The following CADM2 variants were observed in gnomAD, a reference collection of about 807,000 sequenced individuals.
The protein encoded by CADM2 is immunoglobulin superfamily member 4D.
In CADM2, 12 loss-of-function variants were observed where a neutral mutation model predicts 49.8. The observed-to-expected ratio is 0.24, with a 90% CI of 0.15 to 0.39. CADM2 has a LOEUF of 0.39. Among genes scored for constraint, CADM2 ranks in the 10% least tolerant of loss-of-function variants. The pLI is 1.00. For missense variants in CADM2, 378 were observed against 492.3 expected, an observed-to-expected ratio of 0.77 and a Z score of 2.20; for synonymous variants, 214 against 175.4, an observed-to-expected ratio of 1.22 and a Z score of -1.74.
chr3:85,411,405 C>A (rs963516893), intron 1 of CADM2, among the ~76,000 whole-genome samples: 2 of 152,054 alleles, frequency 1.3e-5, no homozygotes, highest in African/African-American at 4.8e-5. Flanking sequence ...GTGCTAGTAC[C>A]ATTTTAAATG....
intron 1 of CADM2, among the ~76,000 whole-genome samples, chr3:85,305,319 GAA>G (rs918965674): frequency 6.6e-6 from 1 of 151,300 alleles, no homozygotes; most frequent in African/African-American, 2.4e-5. Context: ...AACTGGAAGG[GAA>G]AAAAATCCAC....
chr3:85,610,613 C>T (rs2063657994), intron 1 of CADM2, among the ~76,000 whole-genome samples: 1 of 151,828 alleles, frequency 6.6e-6, no homozygotes, highest in Non-Finnish European at 1.5e-5. Flanking sequence ...GAATCATCAC[C>T]AAGCAAACAC....
chr3:85,334,255 A>G (rs1175670463), intron 1 of CADM2, among the ~76,000 whole-genome samples: 4 of 151,534 alleles, frequency 2.6e-5, no homozygotes, highest in African/African-American at 9.7e-5. Context: ...TGCCTCAGGT[A>G]GTTGGGTCAT....
At chr3:85,788,176 C>A (rs763045700) in intron 2 of CADM2, among the ~76,000 whole-genome samples, 1 of 152,058 alleles carries the variant, frequency 6.6e-6, no homozygotes, top group Non-Finnish European at 1.5e-5. Flanking sequence ...TGGTATAAAA[C>A]ATACATTTGT....
intron 1 of CADM2, among the ~76,000 whole-genome samples, chr3:85,267,889 T>C (rs914376146): frequency 3.3e-5 from 5 of 151,680 alleles, no homozygotes; most frequent in African/African-American, 1.2e-4. Context: ...TCAATGCAAT[T>C]TATTTTGGTT....
At chr3:85,574,723 G>GA (rs1348634401) in intron 1 of CADM2, among the ~76,000 whole-genome samples, 2 of 152,148 alleles carry the variant, frequency 1.3e-5, no homozygotes, top group Non-Finnish European at 2.9e-5. Context: ...TCTACTGCAT[G>GA]ATATGTTTCT....
intron 1 of CADM2, among the ~76,000 whole-genome samples, chr3:85,339,276 A>T (rs1243246026): frequency 6.6e-6 from 1 of 151,522 alleles, no homozygotes; most frequent in East Asian, 1.9e-4. Flanking sequence ...AGTGTGTTTA[A>T]ATAATAAAAG....
At chr3:85,852,491 G>C (rs1019973891) in intron 3 of CADM2, among the ~76,000 whole-genome samples, 3 of 152,036 alleles carry the variant, frequency 2.0e-5, no homozygotes, top group African/African-American at 7.2e-5. Flanking sequence ...AGACACACTG[G>C]TTGAGTTGAA....
intron 1 of CADM2, among the ~76,000 whole-genome samples, chr3:85,399,058 T>C (rs1162191115): frequency 6.6e-6 from 1 of 152,222 alleles, no homozygotes; most frequent in African/African-American, 2.4e-5. Flanking sequence ...TTTGGTGTTT[T>C]AGACATGAAG....
intron 1 of CADM2, among the ~76,000 whole-genome samples, chr3:85,405,922 AAAAT>A (rs1036896776): frequency 2.6e-5 from 4 of 151,816 alleles, no homozygotes; most frequent in African/African-American, 9.7e-5. Flanking sequence ...TCACAAAAAT[AAAAT>A]AAATAAAATA....
At chr3:85,654,913 T>C (rs997933233) in intron 1 of CADM2, among the ~76,000 whole-genome samples, 2 of 152,150 alleles carry the variant, frequency 1.3e-5, no homozygotes, top group African/African-American at 4.8e-5. Context: ...TGAAAGATAA[T>C]CATGGATTGT....
At position 85,695,832 on chromosome 3, in the gene CADM2, A is replaced by G. The variant is rs2066536301; in HGVS notation, c.62-30690A>G. Among the ~76,000 whole-genome samples the G allele has an allele frequency of 2.0e-5, 3 of 152,234 alleles. No homozygotes were observed. In the South Asian group the frequency reaches 6.2e-4, roughly 32 times the overall value. On this transcript the variant is annotated intron_variant, in intron 1 of 9. Coordinates refer to ENST00000383699, the MANE Select transcript of CADM2 (RefSeq NM_001167675.2). ...TATTTTAGTTCTTTGAGAAATCTCC[A>G]TATTGTTTTCCATAGAGGCTGTACT...
chr3:85,807,678 G>A (rs1401164686), intron 3 of CADM2, among the ~76,000 whole-genome samples: 2 of 151,944 alleles, frequency 1.3e-5, no homozygotes, highest in Non-Finnish European at 2.9e-5. Context: ...TAAAAATTTG[G>A]TTTCTGCCAC....
chr3:85,891,500 T>C (rs1714430818), intron 5 of CADM2, among the ~76,000 whole-genome samples: 1 of 152,200 alleles, frequency 6.6e-6, no homozygotes, highest in Non-Finnish European at 1.5e-5. Context: ...TATGATACTT[T>C]ATATTACAAA....
At chr3:85,728,696 T>C (rs1016783995) in intron 2 of CADM2, among the ~76,000 whole-genome samples, 1 of 152,208 alleles carries the variant, frequency 6.6e-6, no homozygotes, top group Admixed American at 6.5e-5. Context: ...TCTATCCTTA[T>C]GGAATCACGC....
chr3:85,509,789 C>T (rs1474103550), intron 1 of CADM2, among the ~76,000 whole-genome samples: 1 of 152,024 alleles, frequency 6.6e-6, no homozygotes, highest in Admixed American at 6.6e-5. Context: ...AATCATACTG[C>T]TTCCTGAACA....
chr3:85,654,929 T>G (rs2065151345), intron 1 of CADM2, among the ~76,000 whole-genome samples: 1 of 152,182 alleles, frequency 6.6e-6, no homozygotes, highest in Admixed American at 6.5e-5. Flanking sequence ...ATTGTAGAGT[T>G]GGAAAAAACT....
intron 2 of CADM2, among the ~76,000 whole-genome samples, chr3:85,750,004 CT>C (rs2068798214): frequency 6.6e-6 from 1 of 151,944 alleles, no homozygotes; most frequent in Non-Finnish European, 1.5e-5. Flanking sequence ...GTCAACTCTT[CT>C]CCTTTTAGGT....
At chr3:85,290,884 T>A (rs1040509470) in intron 1 of CADM2, among the ~76,000 whole-genome samples, 1 of 152,172 alleles carries the variant, frequency 6.6e-6, no homozygotes, top group African/African-American at 2.4e-5. Context: ...AGAGCGCCTC[T>A]CCTTCTCAAA....
Sources: allele counts gnomAD v4.1 joint callset (sites outside exome capture counted in the v4.1 genomes callset), GRCh38; gene constraint gnomAD v4.1.1; transcripts MANE v1.5; gene names NCBI Gene and HGNC (gene_info 2026-07-23, HGNC 2026-07-21).